SMIM14: variants seen among roughly 807,000 people sequenced by gnomAD.
SMIM14 encodes chromosome 4 open reading frame 34.
SMIM14 carries 5 observed loss-of-function variants against 12.6 expected under a neutral mutation model. The ratio of observed to expected loss-of-function variants is 0.40; its 90% CI spans 0.21 to 0.83. SMIM14 has a LOEUF of 0.83. Among genes scored for constraint, SMIM14 ranks in the 40% least tolerant of loss-of-function variants. SMIM14 has a pLI of 0.37. For synonymous variants in SMIM14, 30 were observed against 40.1 expected, an observed-to-expected ratio of 0.75 and a Z score of 0.95; for missense variants, 86 against 119.1, an observed-to-expected ratio of 0.72 and a Z score of 1.29.
At position 39,638,824 on chromosome 4, in the gene SMIM14, C is replaced by CT; in HGVS notation, c.-122dup. 3.0e-6 allele frequency: 3 copies of CT among 985,974 alleles called. No homozygotes were observed. The highest frequency in any genetic ancestry group is 3.6e-6 in the Non-Finnish European group (3 of 830,358). 61.1% of individuals were successfully genotyped at this position (985,974 alleles called of 1,614,324 possible). ...AAGACCGCCTGGAGCTTCCAGAAGG[C>CT]TGCGGCTGCTCCGGACGCTGCTGCC... On this transcript the variant is annotated 5_prime_UTR_variant, in exon 1 of 5. Coordinates refer to ENST00000295958, the MANE Select transcript of SMIM14 (RefSeq NM_174921.3).
chr4:39,546,735 T>C lies in SMIM14; in HGVS notation c.*5391A>G, dbSNP rs1284622982. On this transcript the variant is annotated 3_prime_UTR_variant, in exon 5 of 5. Transcript: ENST00000295958. ...ATTAAATCATAAAAAGTTGACTGTC[T>C]CCAAGAAATTGTTATTTCACAAATT... 6.6e-6 allele frequency: 1 copy of C among 152,254 alleles called. No homozygotes were observed. The highest frequency in any genetic ancestry group is 2.4e-5 in the African/African-American group (1 of 41,476). 9.4% of individuals were successfully genotyped at this position (152,254 alleles called of 1,614,324 possible). A position where few individuals can be genotyped will look rare whatever the true frequency, so the allele number is the denominator to read the frequency against.
chr4:39,600,761 C>T (rs953035841), intron 2 of SMIM14, among the ~76,000 whole-genome samples: 1 of 152,018 alleles, frequency 6.6e-6, no homozygotes, highest in African/African-American at 2.4e-5. Flanking sequence ...GTCCCAGCTA[C>T]TCGGGAGGCT....
At chr4:39,633,879 C>G (rs983815859) in intron 1 of SMIM14, among the ~76,000 whole-genome samples, 2 of 152,214 alleles carry the variant, frequency 1.3e-5, no homozygotes, top group African/African-American at 4.8e-5. Flanking sequence ...GCCTGGTAGG[C>G]TCTCAGCACT....
At position 39,570,002 on chromosome 4, in the gene SMIM14, G is replaced by A. The variant is rs551740043; in HGVS notation, c.124+2413C>T. 5.3e-5 allele frequency among the ~76,000 whole-genome samples: 8 copies of A among 152,150 alleles called. No individual in the cohort carries two copies. The East Asian group carries it at 1.5e-3, about 29-fold the overall frequency. On this transcript the variant is annotated intron_variant, in intron 3 of 4. Transcript: ENST00000295958. The stretch of plus-strand genomic sequence containing the variant: ...TGGAAGCCTAAAATCTCTTTCCTAT[G>A]TTCTGCCCTTTTTCCACAAATGTAT...
chr4:39,568,085 C>G (rs1048586767), intron 3 of SMIM14, among the ~76,000 whole-genome samples: 1 of 152,014 alleles, frequency 6.6e-6, no homozygotes, highest in African/African-American at 2.4e-5. Flanking sequence ...TGAGATCAGC[C>G]TGGCCAACAT....
At chr4:39,562,269 C>A (rs879852888) in intron 3 of SMIM14, among the ~76,000 whole-genome samples, 1 of 151,918 alleles carries the variant, frequency 6.6e-6, no homozygotes, top group Non-Finnish European at 1.5e-5. Context: ...CCCAGCTACT[C>A]GGGAGGCTGA....
intron 2 of SMIM14, among the ~76,000 whole-genome samples, chr4:39,604,713 C>T (rs954327362): frequency 3.3e-5 from 5 of 151,330 alleles, no homozygotes; most frequent in African/African-American, 1.2e-4. Flanking sequence ...TGGGTTCAAG[C>T]AATTCTCGTG....
rs5857689 is a variant in SMIM14 at position 39,616,641 on chromosome 4, TAAAAAA to T, written c.-35-11467_-35-11462del. On this transcript the variant is annotated intron_variant, in intron 1 of 4. Coordinates refer to ENST00000295958, the MANE Select transcript of SMIM14 (RefSeq NM_174921.3). ...CATCTTCCAATCCATTCCTTACATT[TAAAAAA>T]AAAAAAAAAGAAAAGAAAAAGAAAA... Among the ~76,000 whole-genome samples, 4 of 137,264 alleles carry T rather than the reference TAAAAAA, an allele frequency of 2.9e-5. No individual in the cohort carries two copies. In the East Asian group the frequency reaches 8.2e-4, roughly 28 times the overall value. The allele number at this position is 137,264 out of a possible 152,430, so 90.1% of individuals were successfully genotyped here.
chr4:39,578,657 A>T lies in SMIM14; in HGVS notation c.76-6194T>A, dbSNP rs1578327593. On this transcript the variant is annotated intron_variant, in intron 2 of 4. Coordinates refer to ENST00000295958, the MANE Select transcript of SMIM14 (RefSeq NM_174921.3). Reference sequence around the variant, plus strand: ...AAGTAGAGTTCGATCTCCCCATCTAAACAAGGATGGTCGTGAAAGTTCTTG... The same window carrying T: ...AAGTAGAGTTCGATCTCCCCATCTATACAAGGATGGTCGTGAAAGTTCTTG... Among the ~76,000 whole-genome samples the T allele has an allele frequency of 2.6e-5, 4 of 152,130 alleles. No homozygotes were observed. The East Asian group carries it at 7.7e-4, about 29-fold the overall frequency.
At chr4:39,597,372 C>T (rs555572216) in intron 2 of SMIM14, among the ~76,000 whole-genome samples, 31 of 151,136 alleles carry the variant, frequency 2.1e-4, no homozygotes, top group Admixed American at 3.3e-4. Flanking sequence ...GAAAATTGTA[C>T]TTAGTTTTAT....
chr4:39,558,751 G>A lies in SMIM14; in HGVS notation c.125-2181C>T, dbSNP rs762057304. ...TTTTGAGACAGAGTCTTGCCCTGTC[G>A]TCCAAGCTGGAATACAATGGCATGT... On this transcript the variant is annotated intron_variant, in intron 3 of 4. Coordinates refer to ENST00000295958, the MANE Select transcript of SMIM14 (RefSeq NM_174921.3). The surrounding 1 kb of genome is among the most constrained non-coding windows in gnomAD (Gnocchi z 4.3). Among the ~76,000 whole-genome samples the A allele has an allele frequency of 3.9e-5, 6 of 152,106 alleles. No homozygotes were observed. The highest frequency in any genetic ancestry group is 9.7e-5 in the African/African-American group (4 of 41,406).
chr4:39,574,952 G>A (rs545803870), intron 2 of SMIM14, among the ~76,000 whole-genome samples: 1 of 152,100 alleles, frequency 6.6e-6, no homozygotes, highest in Non-Finnish European at 1.5e-5. Context: ...TGGGCAACAT[G>A]CTGAACCTCT....
At chr4:39,575,684 A>G (rs193296118) in intron 2 of SMIM14, among the ~76,000 whole-genome samples, 1 of 151,866 alleles carries the variant, frequency 6.6e-6, no homozygotes, top group East Asian at 1.9e-4. Context: ...TCCTGGACTC[A>G]AGCGATCCTC....
chr4:39,565,197 A>C (rs920448482), intron 3 of SMIM14, among the ~76,000 whole-genome samples: 6 of 152,250 alleles, frequency 3.9e-5, no homozygotes, highest in African/African-American at 1.4e-4. Context: ...CAGCCTGGGC[A>C]ACAGAGTAAG....
chr4:39,621,453 T>C (rs993094754), intron 1 of SMIM14, among the ~76,000 whole-genome samples: 2 of 152,140 alleles, frequency 1.3e-5, no homozygotes, highest in Admixed American at 1.3e-4. Flanking sequence ...AATTACAAAC[T>C]ATGATAACTT....
chr4:39,630,353 CT>C (rs1255518707), intron 1 of SMIM14, among the ~76,000 whole-genome samples: 2 of 152,180 alleles, frequency 1.3e-5, no homozygotes, highest in East Asian at 3.9e-4. Context: ...CTACCGTGAG[CT>C]ATGATCACAC....
At chr4:39,611,519 A>G (rs1156828688) in intron 1 of SMIM14, among the ~76,000 whole-genome samples, 1 of 151,736 alleles carries the variant, frequency 6.6e-6, no homozygotes, top group Non-Finnish European at 1.5e-5. Context: ...AAAAAAAAAA[A>G]AACAATTAGC....
chr4:39,636,645 A>G (rs1401012675), intron 1 of SMIM14, among the ~76,000 whole-genome samples: 2 of 152,138 alleles, frequency 1.3e-5, no homozygotes, highest in Non-Finnish European at 2.9e-5. Flanking sequence ...GTTTGAGACC[A>G]GCCTGGACAA....
At chr4:39,583,530 T>C (rs755812207) in intron 2 of SMIM14, among the ~76,000 whole-genome samples, 1 of 151,974 alleles carries the variant, frequency 6.6e-6, no homozygotes, top group African/African-American at 2.4e-5. Flanking sequence ...GAGCCCAACA[T>C]GGAAAATAAA....
Sources: allele counts gnomAD v4.1 joint callset (sites outside exome capture counted in the v4.1 genomes callset), GRCh38; gene constraint gnomAD v4.1.1; non-coding constraint Gnocchi (gnomAD v3.1); transcripts MANE v1.5; gene names NCBI Gene and HGNC (gene_info 2026-07-23, HGNC 2026-07-21).